ZNF532: variants seen among roughly 807,000 people sequenced by gnomAD.
ZNF532 encodes the protein zinc finger protein 532.
A neutral mutation model predicts 89.3 loss-of-function variants in ZNF532; 22 were observed. The observed-to-expected ratio is 0.25, with a 90% CI of 0.18 to 0.35. The LOEUF (loss-of-function observed/expected upper bound fraction) is 0.35, where lower values mean the gene tolerates loss of function less well. Ranked by LOEUF, ZNF532 falls within the 10% of genes least tolerant of loss-of-function variation. The probability of loss-of-function intolerance (pLI) is 1.00; values close to 1 mark genes in which losing one functional copy is unlikely to be tolerated. For missense variants in ZNF532, 1,132 were observed against 1,643.4 expected, an observed-to-expected ratio of 0.69 and a Z score of 5.38; for synonymous variants, 606 against 649.6, an observed-to-expected ratio of 0.93 and a Z score of 1.02.
intron 9 of ZNF532, among the ~76,000 whole-genome samples, chr18:58,982,457 C>A (rs1037365805): frequency 2.0e-5 from 3 of 151,726 alleles, no homozygotes; most frequent in African/African-American, 7.3e-5. Context: ...CCCGTCTCTA[C>A]TAAAAGTACA....
chr18:58,982,976 G>A (rs570025498), intron 9 of ZNF532, among the ~76,000 whole-genome samples: 6 of 152,296 alleles, frequency 3.9e-5, no homozygotes, highest in South Asian at 2.1e-4. Flanking sequence ...GCTGGACATC[G>A]TGGTGCACAC....
At chr18:58,937,717 C>T (rs969202359) in intron 4 of ZNF532, among the ~76,000 whole-genome samples, 2 of 152,170 alleles carry the variant, frequency 1.3e-5, no homozygotes, top group East Asian at 3.8e-4. Context: ...CTTCCTCTTT[C>T]ATGGGAGTTG....
intron 2 of ZNF532, among the ~76,000 whole-genome samples, 161 bp from the exon 3 acceptor site, chr18:58,918,110 T>C (rs1214173989): frequency 6.6e-6 from 1 of 152,220 alleles, no homozygotes; most frequent in Non-Finnish European, 1.5e-5. Flanking sequence ...ATTTTCTCGA[T>C]GTTTGTCCAC....
intron 3 of ZNF532, among the ~76,000 whole-genome samples, chr18:58,928,358 T>C (rs1419461834): frequency 1.2e-4 from 18 of 152,226 alleles, no homozygotes; most frequent in Admixed American, 1.2e-3. Flanking sequence ...AGACAATCTA[T>C]GCAGAAGTAA....
rs2068278226 is a variant in ZNF532 at position 58,985,235 on chromosome 18, G to T, written c.*769G>T. On this transcript the variant is annotated 3_prime_UTR_variant, in exon 10 of 10. Coordinates refer to ENST00000591808, the MANE Select transcript of ZNF532 (RefSeq NM_001375912.1). ...TTTTCTCGGCAGATCTGCAAGGCTGGCTTTAAGAGCACAAGGAGGGAAAGT... is the reference window on the plus strand; with the variant it reads ...TTTTCTCGGCAGATCTGCAAGGCTGTCTTTAAGAGCACAAGGAGGGAAAGT... 6.6e-6 allele frequency: 1 copy of T among 152,192 alleles called. No individual in the cohort carries two copies. Among genetic ancestry groups the T allele is most frequent in the African/African-American group, 2.4e-5 (1 of 41,440 alleles). The allele number at this position is 152,192 out of a possible 1,614,324, so 9.4% of individuals were successfully genotyped here. A position where few individuals can be genotyped will look rare whatever the true frequency, so the allele number is the denominator to read the frequency against.
At chr18:58,925,437 T>C (rs866650178) in intron 3 of ZNF532, among the ~76,000 whole-genome samples, 1 of 152,136 alleles carries the variant, frequency 6.6e-6, no homozygotes, top group African/African-American at 2.4e-5. Context: ...TCTCTTCATA[T>C]CTTTTGCCCA....
chr18:58,873,455 TTTG>T (rs2057162941), intron 2 of ZNF532, among the ~76,000 whole-genome samples: 1 of 152,152 alleles, frequency 6.6e-6, no homozygotes, highest in Non-Finnish European at 1.5e-5. Flanking sequence ...GATTTTTTTT[TTTG>T]TTTTTTCTGG....
At chr18:58,924,889 T>C (rs935712704) in intron 3 of ZNF532, among the ~76,000 whole-genome samples, 14 of 152,230 alleles carry the variant, frequency 9.2e-5, no homozygotes, top group Admixed American at 7.8e-4. Context: ...AGTGTATAAC[T>C]CCTTAGGATT....
chr18:58,908,401 A>G lies in ZNF532; in HGVS notation c.-17-9870A>G, dbSNP rs116811446. On this transcript the variant is annotated intron_variant, in intron 2 of 9. Coordinates refer to ENST00000591808, the MANE Select transcript of ZNF532 (RefSeq NM_001375912.1). ...TTTGTATGTCCTTGCTTATTAATAA[A>G]TGACGAGAGTGTAGATCGGTAAGTT... 6.7e-3 allele frequency among the ~76,000 whole-genome samples: 1,020 copies of G among 152,370 alleles called. 7 individuals are homozygous for G. The highest frequency in any genetic ancestry group is 0.024 in the African/African-American group (990 of 41,584).
At chr18:58,878,575 A>G (rs1343523007) in intron 2 of ZNF532, among the ~76,000 whole-genome samples, 3 of 152,212 alleles carry the variant, frequency 2.0e-5, no homozygotes, top group Non-Finnish European at 4.4e-5. Flanking sequence ...AGTGGAGCCA[A>G]CTTCACCCAG....
intron 2 of ZNF532, among the ~76,000 whole-genome samples, chr18:58,915,773 C>T (rs1256329135): frequency 6.6e-6 from 1 of 152,178 alleles, no homozygotes; most frequent in Non-Finnish European, 1.5e-5. Context: ...ATGGGGTGAC[C>T]TTTCCTCATT....
chr18:58,960,327 G>C (rs1276508647), intron 7 of ZNF532, among the ~76,000 whole-genome samples: 2 of 152,226 alleles, frequency 1.3e-5, no homozygotes. Flanking sequence ...CGGGATTACA[G>C]GTGTGAGCCA....
intron 2 of ZNF532, among the ~76,000 whole-genome samples, chr18:58,899,042 G>A (rs2059427661): frequency 6.6e-6 from 1 of 152,276 alleles, no homozygotes; most frequent in Admixed American, 6.5e-5. Flanking sequence ...TGGAAGCACA[G>A]GTGCTGAGTG....
chr18:58,870,072 GTT>G (rs764095848), intron 2 of ZNF532, among the ~76,000 whole-genome samples: 14,842 of 112,664 alleles, frequency 0.13, 843 homozygotes, highest in Non-Finnish European at 0.14. Context: ...AGCCCAGGTT[GTT>G]TTTTTTTTTT....
rs1164951557 is a variant in ZNF532 at position 58,942,320 on chromosome 18, CCCCTCCCTCCCT to C, written c.2705+2720_2705+2731del. On this transcript the variant is annotated intron_variant, in intron 5 of 9. Transcript: ENST00000591808. Reference sequence around the variant, plus strand: ...TACAGGCGTGAGCCACCGCGCCTGGCCCCTCCCTCCCTCCCTCCCTCCCTCCCTCCCTTCCTT... The same window carrying C: ...TACAGGCGTGAGCCACCGCGCCTGGCCCCTCCCTCCCTCCCTCCCTTCCTT... 4.1e-3 allele frequency among the ~76,000 whole-genome samples: 149 copies of C among 36,788 alleles called. 7 individuals carry two copies. Among genetic ancestry groups the C allele is most frequent in the Non-Finnish European group, 4.2e-3 (89 of 21,156 alleles). The allele number at this position is 36,788 out of a possible 152,430, so 24.1% of individuals were successfully genotyped here.
intron 3 of ZNF532, 115 bp downstream of exon 3, chr18:58,920,748 G>C (rs1360130986): frequency 5.0e-6 from 2 of 397,314 alleles, no homozygotes; most frequent in African/African-American, 3.6e-5. Context: ...GTGTGTGTGT[G>C]TGTGTGTGTG....
At chr18:58,949,890 T>C (rs1048001194) in intron 6 of ZNF532, among the ~76,000 whole-genome samples, 1 of 152,240 alleles carries the variant, frequency 6.6e-6, no homozygotes, top group African/African-American at 2.4e-5. Flanking sequence ...GTGGTGGTGA[T>C]GGCATTACTT....
rs2064439173 is a variant in ZNF532 at position 58,953,591 on chromosome 18, C to T, written c.2942C>T (p.Pro981Leu). ...ATAAACTTGCCTTTGAGCATTAAGC[C>T]TGCAACTCAAAATTCAGCAAATCAG... ...LGINLPLSIK[P>L]ATQNSANQNK... Residue 981 changes from proline to leucine, a missense_variant, in exon 7 of 10, where the codon CCT becomes CTT. Around this residue, in one of 9 missense-constraint regions of ZNF532, gnomAD observed 415 missense variants for 604.8 expected, o/e 0.69. Transcript: ENST00000591808. 6.2e-7 allele frequency: 1 copy of T among 1,613,768 alleles called. No homozygotes were observed. Among genetic ancestry groups the T allele is most frequent in the Non-Finnish European group, 8.5e-7 (1 of 1,179,764 alleles).
intron 2 of ZNF532, among the ~76,000 whole-genome samples, chr18:58,888,549 G>A (rs1481845753): frequency 6.7e-6 from 1 of 148,438 alleles, no homozygotes; most frequent in African/African-American, 2.5e-5. Flanking sequence ...GGTGACGCAC[G>A]CCTGTAACCC....
Sources: allele counts gnomAD v4.1 joint callset (sites outside exome capture counted in the v4.1 genomes callset), GRCh38; gene constraint gnomAD v4.1.1; regional missense constraint gnomAD v4.1.1; transcripts MANE v1.5; gene names NCBI Gene and HGNC (gene_info 2026-07-23, HGNC 2026-07-21).